The following CDH10 variants were observed in gnomAD, a reference collection of about 807,000 sequenced individuals.
CDH10 encodes cadherin-10.
In CDH10, 30 loss-of-function variants were observed where a neutral mutation model predicts 73.1. The observed-to-expected ratio is 0.41, with a 90% CI of 0.31 to 0.56. The LOEUF (loss-of-function observed/expected upper bound fraction) is 0.56, where lower values mean the gene tolerates loss of function less well. Among genes scored for constraint, CDH10 ranks in the 20% least tolerant of loss-of-function variants. CDH10 has a pLI of 0.27. For missense variants in CDH10, 815 were observed against 973.7 expected, an observed-to-expected ratio of 0.84 and a Z score of 2.17; for synonymous variants, 345 against 348.2, an observed-to-expected ratio of 0.99 and a Z score of 0.10.
intron 2 of CDH10, among the ~76,000 whole-genome samples, chr5:24,544,688 G>A (rs535745921): frequency 6.6e-6 from 1 of 152,210 alleles, no homozygotes; most frequent in African/African-American, 2.4e-5. Context: ...GTCCAATCTG[G>A]GATGGTCCTG....
chr5:24,565,202 C>A (rs78735604), intron 2 of CDH10, among the ~76,000 whole-genome samples: 2,074 of 152,170 alleles, frequency 0.014, 51 homozygotes, highest in African/African-American at 0.047. Flanking sequence ...GGAAAGAAAG[C>A]GATGCAAAAT....
intron 1 of CDH10, among the ~76,000 whole-genome samples, chr5:24,614,120 C>T (rs1747050214): frequency 6.6e-6 from 1 of 152,078 alleles, no homozygotes; most frequent in African/African-American, 2.4e-5. Context: ...ATTTTATGGT[C>T]AGTGTCATTA....
chr5:24,624,529 A>G (rs538697285), intron 1 of CDH10, among the ~76,000 whole-genome samples: 91 of 152,260 alleles, frequency 6.0e-4, no homozygotes, highest in African/African-American at 2.1e-3. Flanking sequence ...TCAGAATATG[A>G]AATTGCATGG....
At chr5:24,643,889 T>C (rs1561212488) in intron 1 of CDH10, among the ~76,000 whole-genome samples, 1 of 152,142 alleles carries the variant, frequency 6.6e-6, no homozygotes, top group Non-Finnish European at 1.5e-5. Context: ...ACATAAAATA[T>C]GGATTTTATT....
chr5:24,548,203 C>G (rs997309280), intron 2 of CDH10, among the ~76,000 whole-genome samples: 1 of 151,902 alleles, frequency 6.6e-6, no homozygotes, highest in Non-Finnish European at 1.5e-5. Flanking sequence ...TTTCAGCTCA[C>G]TGCAACCTCC....
chr5:24,490,021 C>A (rs1251797751), intron 11 of CDH10, among the ~76,000 whole-genome samples: 1 of 152,062 alleles, frequency 6.6e-6, no homozygotes, highest in Non-Finnish European at 1.5e-5. Context: ...AATAATAACA[C>A]CATACATGCC....
intron 5 of CDH10, among the ~76,000 whole-genome samples, chr5:24,528,092 T>C (rs956691409): frequency 6.6e-6 from 1 of 151,948 alleles, no homozygotes; most frequent in East Asian, 1.9e-4. Flanking sequence ...CTTCAAACTA[T>C]AGGCATTGGG....
chr5:24,638,615 T>C (rs1747945151), intron 1 of CDH10, among the ~76,000 whole-genome samples: 1 of 151,846 alleles, frequency 6.6e-6, no homozygotes, highest in Non-Finnish European at 1.5e-5. Flanking sequence ...GGGAGCCAAA[T>C]GCAGGCAGAA....
intron 2 of CDH10, among the ~76,000 whole-genome samples, chr5:24,539,315 T>C (rs1007908911): frequency 1.3e-5 from 2 of 152,026 alleles, no homozygotes; most frequent in Admixed American, 1.3e-4. Flanking sequence ...TAAGAAGACT[T>C]TTGTTTATTT....
intron 2 of CDH10, among the ~76,000 whole-genome samples, chr5:24,554,958 T>C (rs1178231269): frequency 6.6e-6 from 1 of 152,114 alleles, no homozygotes; most frequent in African/African-American, 2.4e-5. Flanking sequence ...TTACATTTTA[T>C]ATTACAGATT....
rs750239562 is a variant in CDH10 at position 24,575,354 on chromosome 5, AC to A, written c.231+17905del. The stretch of plus-strand genomic sequence containing the variant: ...TCCAGCCTGGGCAACAACAAAAACA[AC>A]AAAAAAAAAAAAAAAAAAGGAAAAA... On this transcript the variant is annotated intron_variant, in intron 2 of 11. Coordinates refer to ENST00000264463, the MANE Select transcript of CDH10 (RefSeq NM_006727.5). 2.3e-3 allele frequency among the ~76,000 whole-genome samples: 257 copies of A among 110,320 alleles called. 18 individuals are homozygous for A. The highest frequency in any genetic ancestry group is 6.7e-3 in the Admixed American group (69 of 10,252). The allele number at this position is 110,320 out of a possible 152,430, so 72.4% of individuals were successfully genotyped here. A position where few individuals can be genotyped will look rare whatever the true frequency, so the allele number is the denominator to read the frequency against.
intron 1 of CDH10, among the ~76,000 whole-genome samples, chr5:24,640,867 A>G (rs950280621): frequency 6.6e-6 from 1 of 151,976 alleles, no homozygotes; most frequent in African/African-American, 2.4e-5. Flanking sequence ...AAAGAAACTG[A>G]TGAAAATAAA....
chr5:24,588,163 A>G (rs1372812227), intron 2 of CDH10, among the ~76,000 whole-genome samples: 2 of 152,168 alleles, frequency 1.3e-5, no homozygotes, highest in East Asian at 3.9e-4. Flanking sequence ...CATTTAACCC[A>G]AAGGAGTCTC....
At position 24,537,623 on chromosome 5, in the gene CDH10, C is replaced by A. The variant is rs1338423662; in HGVS notation, c.283G>T (p.Gly95Ter). Reference protein sequence around the residue: ...GDGSLKYILSGDGAGTLFIID... With the variant: ...GDGSLKYILS The stretch of plus-strand genomic sequence containing the variant: ...ATAAAAAGAGTACCAGCTCCATCTC[C>A]AGATAAGATATATTTGAGTGATCCA... The change falls in exon 3 of 12, where the codon GGA becomes TGA. Residue 95 changes from glycine to a stop codon, truncating the protein, a stop_gained. Coordinates refer to ENST00000264463, the MANE Select transcript of CDH10 (RefSeq NM_006727.5). LOFTEE classifies it high-confidence loss of function. 6.2e-7 allele frequency: 1 copy of A among 1,605,216 alleles called. No individual in the cohort carries two copies. Among genetic ancestry groups the A allele is most frequent in the African/African-American group, 1.3e-5 (1 of 74,646 alleles).
chr5:24,572,215 T>C (rs1278694330), intron 2 of CDH10, among the ~76,000 whole-genome samples: 7 of 152,090 alleles, frequency 4.6e-5, no homozygotes, highest in Admixed American at 3.9e-4. Context: ...GCTAGAGAAG[T>C]GAAGTCCGCC....
Position 24,537,517 on chromosome 5 carries a change from TG to T in CDH10, c.388del (p.Gln130LysfsTer8). ...CCTCAGAGTTCTTCTGTTAATAGCT[TG>T]TGCGCGTAGAGTATAAAAGGCCTTT... is the stretch of plus-strand genomic sequence containing the variant. The part of the protein sequence containing the change: ...EEKAFYTLRA[Q>X]AINRRTLRPV... On this transcript the variant is annotated frameshift_variant, in exon 3 of 12. Transcript: ENST00000264463. LOFTEE classifies it high-confidence loss of function. The T allele has an allele frequency of 6.2e-7, 1 of 1,613,366 alleles. No individual in the cohort carries two copies. Among genetic ancestry groups the T allele is most frequent in the Non-Finnish European group, 8.5e-7 (1 of 1,179,536 alleles).
At chr5:24,541,243 T>A (rs1475035767) in intron 2 of CDH10, among the ~76,000 whole-genome samples, 1 of 151,972 alleles carries the variant, frequency 6.6e-6, no homozygotes, top group Non-Finnish European at 1.5e-5. Context: ...TGAGTTATAG[T>A]CCCCTTCCTA....
At chr5:24,584,857 T>C (rs7719599) in intron 2 of CDH10, among the ~76,000 whole-genome samples, 19,951 of 149,896 alleles carry the variant, frequency 0.13, 1,324 homozygotes, top group Admixed American at 0.18. Flanking sequence ...CTTTTTTTTT[T>C]CCCCCCTGAT....
intron 2 of CDH10, among the ~76,000 whole-genome samples, chr5:24,568,137 A>G (rs1034752618): frequency 6.6e-6 from 1 of 152,168 alleles, no homozygotes; most frequent in Admixed American, 6.5e-5. Flanking sequence ...TAATGTAAGT[A>G]GCTTCAAAAC....
Sources: allele counts gnomAD v4.1 joint callset (sites outside exome capture counted in the v4.1 genomes callset), GRCh38; gene constraint gnomAD v4.1.1; transcripts MANE v1.5; gene names NCBI Gene and HGNC (gene_info 2026-07-23, HGNC 2026-07-21).